Variants in BCKDHB observed in about 807,000 individuals in gnomAD.
BCKDHB encodes branched chain keto acid dehydrogenase E1 subunit beta.
In BCKDHB, 41 loss-of-function variants were observed where a neutral mutation model predicts 48.5. That is an observed-to-expected ratio of 0.85 (90% confidence interval 0.66 to 1.10). The LOEUF is 1.10. Ranked by LOEUF, BCKDHB falls within the 50% of genes least tolerant of loss-of-function variation. The pLI is 0.00. For synonymous variants in BCKDHB, 201 were observed against 174.8 expected (o/e 1.15, Z -1.18); for missense variants, 496 against 494.2 (o/e 1.00, Z -0.03).
chr6:80,350,222 A>AT (rs1281955064), downstream of BCKDHB, among the ~76,000 whole-genome samples: 3 of 152,158 alleles, frequency 2.0e-5, no homozygotes, highest in African/African-American at 7.2e-5. Context: ...TTCAGCTAAG[A>AT]TTCTACTCAG....
the BCKDHB span, among the ~76,000 whole-genome samples, chr6:80,438,398 A>G: frequency 6.6e-6 from 1 of 152,216 alleles, no homozygotes; most frequent in Non-Finnish European, 1.5e-5. Flanking sequence ...TATTACAAAA[A>G]TGTATTTGAA....
chr6:80,200,904 CCTT>C (rs1265938543), intron 6 of BCKDHB, 27 bp from the exon 7 acceptor site: 1 of 1,469,806 alleles, frequency 6.8e-7, no homozygotes, highest in Non-Finnish European at 9.5e-7. Flanking sequence ...GAAAAAATGT[CCTT>C]TTTTTTTTTT....
At chr6:80,122,686 C>T (rs1770094238) in intron 1 of BCKDHB, among the ~76,000 whole-genome samples, 1 of 152,142 alleles carries the variant, frequency 6.6e-6, no homozygotes, top group Admixed American at 6.6e-5. Flanking sequence ...AAAAGCAGAG[C>T]AAAGATCACA....
intron 3 of BCKDHB, among the ~76,000 whole-genome samples, chr6:80,129,918 C>T (rs1267776153): frequency 6.6e-6 from 1 of 152,194 alleles, no homozygotes; most frequent in East Asian, 1.9e-4. Context: ...AACTTCTACA[C>T]CTGTGTTTGA....
intron 9 of BCKDHB, among the ~76,000 whole-genome samples, chr6:80,320,363 C>G (rs896355904): frequency 3.2e-4 from 49 of 152,302 alleles, no homozygotes; most frequent in African/African-American, 1.1e-3. Flanking sequence ...CCATTTCTGA[C>G]ATAAAAGTTA....
the BCKDHB span, among the ~76,000 whole-genome samples, chr6:80,378,023 G>T: frequency 6.6e-6 from 1 of 152,104 alleles, no homozygotes. Flanking sequence ...AGTTTTCAGA[G>T]TATAAGTCTT....
the BCKDHB span, among the ~76,000 whole-genome samples, chr6:80,411,496 A>T: frequency 2.0e-5 from 3 of 152,192 alleles, no homozygotes; most frequent in Admixed American, 1.3e-4. Context: ...CTCTCTTCAG[A>T]GCTGTCAGAC....
At chr6:80,205,167 G>C (rs1774584312) in intron 8 of BCKDHB, among the ~76,000 whole-genome samples, 1 of 151,876 alleles carries the variant, frequency 6.6e-6, no homozygotes, top group South Asian at 2.1e-4. Flanking sequence ...GCTTTTTCCT[G>C]CTAGGATTTA....
At chr6:80,126,378 G>T (rs767708737) in intron 1 of BCKDHB, among the ~76,000 whole-genome samples, 1 of 152,130 alleles carries the variant, frequency 6.6e-6, no homozygotes, top group Non-Finnish European at 1.5e-5. Flanking sequence ...AAGAAAATGG[G>T]TCTCCAGGAA....
the BCKDHB span, among the ~76,000 whole-genome samples, chr6:80,452,667 A>G: frequency 6.6e-6 from 1 of 152,138 alleles, no homozygotes; most frequent in African/African-American, 2.4e-5. Flanking sequence ...ATTGCTCTTA[A>G]TTTACTCACA....
chr6:80,193,082 A>G (rs1339541204), intron 6 of BCKDHB, among the ~76,000 whole-genome samples: 4 of 152,108 alleles, frequency 2.6e-5, no homozygotes, highest in Non-Finnish European at 5.9e-5. Context: ...TCGGTCTCCA[A>G]AAGTGCTGGG....
At chr6:80,248,127 T>C (rs1401986962) in intron 8 of BCKDHB, among the ~76,000 whole-genome samples, 1 of 152,252 alleles carries the variant, frequency 6.6e-6, no homozygotes, top group Non-Finnish European at 1.5e-5. Flanking sequence ...CTAGTTTTCC[T>C]GCTCTCTTTT....
chr6:80,250,082 C>T (rs1224372380), intron 8 of BCKDHB, among the ~76,000 whole-genome samples: 2 of 152,108 alleles, frequency 1.3e-5, no homozygotes, highest in Non-Finnish European at 2.9e-5. Context: ...GGCTGGGTTG[C>T]AGCCTCAGAG....
intron 6 of BCKDHB, among the ~76,000 whole-genome samples, chr6:80,193,866 G>C (rs931119385): frequency 4.6e-5 from 7 of 152,178 alleles, no homozygotes; most frequent in Non-Finnish European, 8.8e-5. Flanking sequence ...TGCAGACACT[G>C]AATTTACATC....
chr6:80,148,057 T>C lies in BCKDHB; in HGVS notation c.343+18828T>C, dbSNP rs111253261. On this transcript the variant is annotated intron_variant, in intron 3 of 9. Coordinates refer to ENST00000320393, the MANE Select transcript of BCKDHB (RefSeq NM_183050.4). ...TTTCATGGAAAAGTAGGGTCAGACA[T>C]AGATTAGAAAACTGAGATTTTGAGG... 3.7e-3 allele frequency among the ~76,000 whole-genome samples: 566 copies of C among 152,268 alleles called. 3 individuals are homozygous for C. The highest frequency in any genetic ancestry group is 0.013 in the African/African-American group (525 of 41,560).
intron 9 of BCKDHB, among the ~76,000 whole-genome samples, chr6:80,312,377 A>G (rs964277444): frequency 2.6e-5 from 4 of 152,218 alleles, no homozygotes; most frequent in African/African-American, 9.6e-5. Flanking sequence ...GCAAACAAAG[A>G]TAGTTTGACT....
Position 80,285,891 on chromosome 6 carries a change from C to T in BCKDHB, c.1038+12670C>T, listed in dbSNP as rs1157918069. On this transcript the variant is annotated intron_variant, in intron 9 of 9. Coordinates refer to ENST00000320393, the MANE Select transcript of BCKDHB (RefSeq NM_183050.4). ...TACTATGAAATTGCTTAATACCATT[C>T]GAAAAGCATTTGTAAAGTGGATCTT... Among the ~76,000 whole-genome samples the T allele has an allele frequency of 5.3e-5, 8 of 151,916 alleles. No homozygotes were observed. In the East Asian group the frequency reaches 5.8e-4, roughly 11 times the overall value.
chr6:80,210,244 G>A (rs2127839862), intron 8 of BCKDHB, among the ~76,000 whole-genome samples: 1 of 151,380 alleles, frequency 6.6e-6, no homozygotes, highest in Middle Eastern at 3.4e-3. Flanking sequence ...TCAATAATAA[G>A]TATAATATTG....
chr6:80,168,068 C>G (rs1056908415), intron 4 of BCKDHB, among the ~76,000 whole-genome samples: 5 of 151,936 alleles, frequency 3.3e-5, no homozygotes, highest in Admixed American at 6.6e-5. Context: ...TCACTTGAGG[C>G]CAAGAGTTCA....
Sources: gnomAD v4.1 joint callset for allele counts (sites outside exome capture counted in the v4.1 genomes callset) on GRCh38, gnomAD v4.1.1 for gene constraint, MANE v1.5 for transcripts, NCBI Gene and HGNC (gene_info 2026-07-23, HGNC 2026-07-21) for gene names.